UNC5D: variants seen among roughly 807,000 people sequenced by gnomAD.
UNC5D encodes netrin receptor UNC5D.
Under a neutral mutation model 105.4 loss-of-function variants are expected in UNC5D, and 39 were observed. The observed-to-expected ratio is 0.37, with a 90% CI of 0.29 to 0.48. The LOEUF is 0.48. Among genes scored for constraint, UNC5D ranks in the 20% least tolerant of loss-of-function variants. The pLI is 0.98. For missense variants in UNC5D, 991 were observed against 1,202.4 expected (o/e 0.82, Z 2.60); for synonymous variants, 452 against 450.4 (o/e 1.00, Z -0.04).
At chr8:35,566,597 G>C (rs752067353) in intron 2 of UNC5D, among the ~76,000 whole-genome samples, 64 of 152,202 alleles carry the variant, frequency 4.2e-4, no homozygotes, top group Non-Finnish European at 7.5e-4. Flanking sequence ...GCGAACACCA[G>C]GCTCACACAC....
intron 1 of UNC5D, among the ~76,000 whole-genome samples, chr8:35,336,792 T>TTG (rs869295938): frequency 1.2e-3 from 3 of 2,406 alleles, no homozygotes; most frequent in South Asian, 0.33. Context: ...GGAAATAGTG[T>TTG]TTTTTTTTTT....
At chr8:35,464,197 G>A (rs1239271205) in intron 1 of UNC5D, among the ~76,000 whole-genome samples, 3 of 152,062 alleles carry the variant, frequency 2.0e-5, no homozygotes, top group Non-Finnish European at 2.9e-5. Flanking sequence ...TATGGTGGTA[G>A]GTACCTGTAA....
At chr8:35,291,773 A>C (rs534754490) in intron 1 of UNC5D, among the ~76,000 whole-genome samples, 1 of 152,330 alleles carries the variant, frequency 6.6e-6, no homozygotes, top group Admixed American at 6.5e-5. Context: ...AATTTCAAGT[A>C]ACCAGTTATA....
At chr8:35,789,726 A>G (rs1586651216) in intron 16 of UNC5D, among the ~76,000 whole-genome samples, 1 of 152,194 alleles carries the variant, frequency 6.6e-6, no homozygotes, top group African/African-American at 2.4e-5. Flanking sequence ...CATTTAGCAT[A>G]TAAGCCCACT....
In UNC5D at chr8:35,419,072, A is replaced by C. The variant is rs577372590; in HGVS notation, c.104-130220A>C. Among the ~76,000 whole-genome samples, 37 of 152,324 alleles carry C rather than the reference A, an allele frequency of 2.4e-4. 1 individual carries two copies. The highest frequency in any genetic ancestry group is 7.7e-4 in the African/African-American group (32 of 41,582). The stretch of plus-strand genomic sequence containing the variant: ...TATTAGCAGAGAAATTCACAGCTCT[A>C]TGTGGTTCCCAAAATACAGCCCCAA... On this transcript the variant is annotated intron_variant, in intron 1 of 16. Coordinates refer to ENST00000404895, the MANE Select transcript of UNC5D (RefSeq NM_080872.4).
At chr8:35,687,061 C>T (rs1216387106) in intron 7 of UNC5D, among the ~76,000 whole-genome samples, 5 of 151,958 alleles carry the variant, frequency 3.3e-5, no homozygotes, top group African/African-American at 7.3e-5. Flanking sequence ...GTTATATTTC[C>T]CCCCAGGAAT....
intron 1 of UNC5D, among the ~76,000 whole-genome samples, chr8:35,303,928 T>G (rs757806051): frequency 2.6e-5 from 4 of 152,146 alleles, no homozygotes; most frequent in Non-Finnish European, 4.4e-5. Flanking sequence ...CTAAGTTGTT[T>G]ATCCTTGTCA....
chr8:35,375,615 G>A (rs948472410), intron 1 of UNC5D, among the ~76,000 whole-genome samples: 2 of 152,098 alleles, frequency 1.3e-5, no homozygotes, highest in African/African-American at 4.8e-5. Flanking sequence ...TTTAACAATG[G>A]AATTTCATTT....
At chr8:35,694,263 C>T (rs981341982) in intron 7 of UNC5D, among the ~76,000 whole-genome samples, 1 of 151,974 alleles carries the variant, frequency 6.6e-6, no homozygotes, top group Non-Finnish European at 1.5e-5. Context: ...GTGAGGCTGG[C>T]CTAGGTTGGG....
intron 3 of UNC5D, 26 bp from the exon 4 acceptor site, chr8:35,595,528 G>GAA: frequency 1.2e-6 from 2 of 1,606,686 alleles, no homozygotes; most frequent in African/African-American, 1.3e-5. Flanking sequence ...GAAACAAAGT[G>GAA]TCACCTATCT....
chr8:35,684,718 G>C lies in UNC5D; in HGVS notation c.888G>C (p.Val296=), dbSNP rs1269706999. The change falls in exon 6 of 17, where the codon GTG becomes GTC. Residue 296 remains valine, a synonymous_variant. Coordinates refer to ENST00000404895, the MANE Select transcript of UNC5D (RefSeq NM_080872.4). The stretch of plus-strand genomic sequence containing the variant: ...GGGCCTTTTGTGAGGGAATGTCAGT[G>C]CAGAAAATAACCTGCACTTCTCTTT... The part of the protein sequence containing the change: ...NGGAFCEGMS[V]QKITCTSLCP... 1 of 1,613,584 alleles carries C rather than the reference G, an allele frequency of 6.2e-7. No homozygotes were observed. Among genetic ancestry groups the C allele is most frequent in the Admixed American group, 1.7e-5 (1 of 59,938 alleles).
intron 1 of UNC5D, among the ~76,000 whole-genome samples, chr8:35,516,727 G>A (rs565155087): frequency 6.6e-6 from 1 of 152,218 alleles, no homozygotes; most frequent in Admixed American, 6.5e-5. Flanking sequence ...TCCAGCACAA[G>A]CCCTACAGAT....
intron 1 of UNC5D, among the ~76,000 whole-genome samples, chr8:35,278,236 C>T (rs1057495979): frequency 2.0e-4 from 30 of 152,260 alleles, no homozygotes; most frequent in Non-Finnish European, 3.5e-4. Flanking sequence ...CGTGTGCTTC[C>T]GGCTGCCCTC....
intron 1 of UNC5D, among the ~76,000 whole-genome samples, chr8:35,358,334 C>T (rs763364503): frequency 2.0e-5 from 3 of 152,130 alleles, no homozygotes; most frequent in South Asian, 4.1e-4. Flanking sequence ...GGAATGAGAT[C>T]GTGTCCTTTG....
intron 3 of UNC5D, among the ~76,000 whole-genome samples, chr8:35,588,699 A>G (rs1006233192): frequency 6.6e-6 from 1 of 152,068 alleles, no homozygotes; most frequent in Non-Finnish European, 1.5e-5. Flanking sequence ...AGCGGGAGTG[A>G]GTGAAGAAGG....
intron 1 of UNC5D, among the ~76,000 whole-genome samples, chr8:35,418,615 C>G (rs1348136020): frequency 6.6e-6 from 1 of 152,134 alleles, no homozygotes; most frequent in Non-Finnish European, 1.5e-5. Context: ...GTCTCAGTTC[C>G]TGATTGTTAC....
intron 1 of UNC5D, among the ~76,000 whole-genome samples, chr8:35,542,030 A>G (rs894265808): frequency 6.6e-6 from 1 of 152,188 alleles, no homozygotes; most frequent in African/African-American, 2.4e-5. Context: ...TCTGCTCGAT[A>G]AAGTAATATC....
chr8:35,724,628 C>G (rs1045419954), intron 9 of UNC5D, among the ~76,000 whole-genome samples: 21 of 152,272 alleles, frequency 1.4e-4, no homozygotes, highest in Non-Finnish European at 2.1e-4. Context: ...CTGTCTCACT[C>G]TAGGAAATAT....
At chr8:35,503,295 T>C (rs750419517) in intron 1 of UNC5D, among the ~76,000 whole-genome samples, 10 of 152,146 alleles carry the variant, frequency 6.6e-5, no homozygotes, top group Non-Finnish European at 1.5e-4. Context: ...AGAGGTTTAA[T>C]GGATTCACAG....
Sources: gnomAD v4.1 joint callset for allele counts (sites outside exome capture counted in the v4.1 genomes callset) on GRCh38, gnomAD v4.1.1 for gene constraint, MANE v1.5 for transcripts, NCBI Gene and HGNC (gene_info 2026-07-23, HGNC 2026-07-21) for gene names.